Variants in OLA1 observed in about 807,000 individuals in gnomAD.
OLA1 encodes the protein Obg like ATPase 1.
A neutral mutation model predicts 48.4 loss-of-function variants in OLA1; 14 were observed. The ratio of observed to expected loss-of-function variants is 0.29; its 90% CI spans 0.19 to 0.45. The LOEUF (loss-of-function observed/expected upper bound fraction) is 0.45, where lower values mean the gene tolerates loss of function less well. OLA1 is among the 20% of genes least tolerant of loss of function. The pLI is 1.00. For missense variants in OLA1, 325 were observed against 467.1 expected (o/e 0.70, Z 2.80); for synonymous variants, 127 against 150.4 (o/e 0.84, Z 1.14).
At chr2:174,144,945 AAAAAAAATAT>A (rs1471797825) in intron 4 of OLA1, among the ~76,000 whole-genome samples, 2 of 68,312 alleles carry the variant, frequency 2.9e-5, no homozygotes, top group African/African-American at 9.3e-5. Context: ...AAAAAAAAAA[AAAAAAAATAT>A]ATATATATAT....
chr2:174,096,186 T>C (rs1220404111), intron 7 of OLA1, among the ~76,000 whole-genome samples: 2 of 152,182 alleles, frequency 1.3e-5, no homozygotes, highest in Non-Finnish European at 2.9e-5. Flanking sequence ...AGGCCACATA[T>C]TGTGTGATTC....
intron 4 of OLA1, among the ~76,000 whole-genome samples, chr2:174,203,789 A>T (rs1688045328): frequency 6.9e-6 from 1 of 144,546 alleles, no homozygotes; most frequent in African/African-American, 2.6e-5. Context: ...AGTTGGTTAA[A>T]CGGAGTAGGA....
intron 4 of OLA1, among the ~76,000 whole-genome samples, chr2:174,187,062 A>C (rs1687672056): frequency 6.6e-6 from 1 of 152,232 alleles, no homozygotes; most frequent in African/African-American, 2.4e-5. Flanking sequence ...TCAAAAAACA[A>C]ACAAAGATTC....
intron 7 of OLA1, 131 bp downstream of exon 7, chr2:174,123,049 C>T: frequency 1.8e-6 from 1 of 559,462 alleles, no homozygotes. Flanking sequence ...GCTTTCTCAT[C>T]CATTTTAAAC....
intron 2 of OLA1, among the ~76,000 whole-genome samples, chr2:174,244,655 G>A (rs549898160): frequency 4.7e-5 from 7 of 149,990 alleles, no homozygotes; most frequent in Non-Finnish European, 1.0e-4. Context: ...ACGGAGTCTC[G>A]CTCTGTCACC....
At chr2:174,201,369 C>T (rs960274577) in intron 4 of OLA1, among the ~76,000 whole-genome samples, 4 of 152,148 alleles carry the variant, frequency 2.6e-5, no homozygotes, top group Non-Finnish European at 5.9e-5. Flanking sequence ...TCTGGGTCTT[C>T]CTTTAATGCC....
At chr2:174,195,447 C>G (rs1347676771) in intron 4 of OLA1, among the ~76,000 whole-genome samples, 2 of 152,116 alleles carry the variant, frequency 1.3e-5, no homozygotes, top group East Asian at 1.9e-4. Flanking sequence ...GTCTGAAAGG[C>G]CTTCTCAGGC....
chr2:174,086,655 G>A (rs767776378), intron 7 of OLA1, among the ~76,000 whole-genome samples: 48 of 152,122 alleles, frequency 3.2e-4, no homozygotes, highest in South Asian at 8.3e-4. Context: ...TTGACAGTCT[G>A]GATAACCAAG....
intron 1 of OLA1, 61 bp from the exon 2 acceptor site, chr2:174,246,876 C>T: frequency 1.2e-6 from 1 of 867,178 alleles, no homozygotes; most frequent in Non-Finnish European, 1.9e-6. Context: ...ACCCAAAACA[C>T]ATTTCATCAC....
In OLA1 at chr2:174,074,725, G is replaced by A. The variant is rs751637018; in HGVS notation, c.*701C>T. ...TTTGAGACAGAATTTTCTTCTTTGT[G>A]GTCAGTCACCTATCTCATATCCCTC... On this transcript the variant is annotated 3_prime_UTR_variant, in exon 11 of 11. Transcript: ENST00000284719. 4.6e-5 allele frequency: 7 copies of A among 152,312 alleles called. No individual in the cohort carries two copies. The highest frequency in any genetic ancestry group is 8.8e-5 in the Non-Finnish European group (6 of 67,980). The allele number at this position is 152,312 out of a possible 1,614,324, so 9.4% of individuals were successfully genotyped here.
chr2:174,169,573 TC>T (rs1309507810), intron 4 of OLA1, among the ~76,000 whole-genome samples: 4 of 152,312 alleles, frequency 2.6e-5, no homozygotes, highest in African/African-American at 9.6e-5. Context: ...GCAAAAATAT[TC>T]TTAAAGAATG....
chr2:174,193,193 G>A (rs1465379354), intron 4 of OLA1, among the ~76,000 whole-genome samples: 1 of 151,238 alleles, frequency 6.6e-6, no homozygotes, highest in Non-Finnish European at 1.5e-5. Context: ...GGATTCAAGC[G>A]ATTCTCGTGC....
At chr2:174,141,097 A>C (rs944439357) in intron 5 of OLA1, among the ~76,000 whole-genome samples, 12 of 152,072 alleles carry the variant, frequency 7.9e-5, no homozygotes, top group African/African-American at 2.7e-4. Flanking sequence ...ACACCCAGCT[A>C]ATTTTTGTAT....
intron 7 of OLA1, among the ~76,000 whole-genome samples, chr2:174,093,033 T>G (rs749415460): frequency 3.9e-5 from 6 of 152,212 alleles, no homozygotes; most frequent in Non-Finnish European, 5.9e-5. Flanking sequence ...TTACTCTGCT[T>G]CAAGGCTACT....
At chr2:174,230,981 G>A (rs1457222288) in intron 2 of OLA1, among the ~76,000 whole-genome samples, 1 of 152,200 alleles carries the variant, frequency 6.6e-6, no homozygotes, top group African/African-American at 2.4e-5. Flanking sequence ...AGGATGCAAG[G>A]ATCCAGACTT....
chr2:174,167,531 G>A (rs1360179259), intron 4 of OLA1, among the ~76,000 whole-genome samples: 2 of 152,174 alleles, frequency 1.3e-5, no homozygotes, highest in Admixed American at 6.5e-5. Context: ...AGCAGAAATT[G>A]CACCATTGCA....
rs1027717523 is a variant in OLA1, at chr2:174,187,049, T to C, written c.373+35984A>G. Among the ~76,000 whole-genome samples the C allele has an allele frequency of 4.6e-5, 7 of 152,298 alleles. No individual in the cohort carries two copies. The East Asian group carries it at 1.4e-3, about 29-fold the overall frequency. ...AGTGAACACATGCCATTTAATAATA[T>C]GATCAAAAAACAAACAAAGATTCAC... On this transcript the variant is annotated intron_variant, in intron 4 of 10. Transcript: ENST00000284719.
intron 4 of OLA1, among the ~76,000 whole-genome samples, chr2:174,220,883 T>A (rs1688485046): frequency 6.6e-6 from 1 of 152,166 alleles, no homozygotes; most frequent in Middle Eastern, 3.2e-3. Context: ...CTTTCGGATG[T>A]TCTAATAGAA....
chr2:174,100,485 G>T (rs1685366830), intron 7 of OLA1, among the ~76,000 whole-genome samples: 1 of 152,048 alleles, frequency 6.6e-6, no homozygotes, highest in Non-Finnish European at 1.5e-5. Context: ...GTTCACTGCA[G>T]CCTCAAATTC....
Sources: gnomAD v4.1 joint callset for allele counts (sites outside exome capture counted in the v4.1 genomes callset) on GRCh38, gnomAD v4.1.1 for gene constraint, MANE v1.5 for transcripts, NCBI Gene and HGNC (gene_info 2026-07-23, HGNC 2026-07-21) for gene names.